Variants in UFSP2 observed in about 807,000 individuals in gnomAD.
UFSP2 encodes ufm1-specific protease 2.
UFSP2 carries 43 observed loss-of-function variants against 60.2 expected under a neutral mutation model. That is an observed-to-expected ratio of 0.71 (90% CI 0.56 to 0.92). The LOEUF is 0.92. Ranked by LOEUF, UFSP2 falls within the 40% of genes least tolerant of loss-of-function variation. The pLI, the probability that UFSP2 is intolerant of heterozygous loss-of-function variation, is 0.00. For missense variants in UFSP2, 520 were observed against 575.0 expected (o/e 0.90, Z 0.98); for synonymous variants, 183 against 195.1 (o/e 0.94, Z 0.52).
At chr4:185,417,128 A>G (rs2095540152) in intron 4 of UFSP2, among the ~76,000 whole-genome samples, 1 of 152,230 alleles carries the variant, frequency 6.6e-6, no homozygotes, top group Non-Finnish European at 1.5e-5. Flanking sequence ...CAACAGACTG[A>G]TAACTGTCTC....
intron 7 of UFSP2, among the ~76,000 whole-genome samples, chr4:185,413,349 T>C (rs936741672): frequency 7.2e-5 from 11 of 152,056 alleles, no homozygotes; most frequent in African/African-American, 2.2e-4. Flanking sequence ...GATCACACCA[T>C]TGCACTACAG....
At chr4:185,425,728 G>T (rs2095558734) in intron 1 of UFSP2, 138 bp downstream of exon 1, 1 of 1,329,888 alleles carries the variant, frequency 7.5e-7, no homozygotes, top group Non-Finnish European at 1.0e-6. Flanking sequence ...CTGGAGAGCC[G>T]CCCTGCCCAC....
At chr4:185,402,657 G>T (rs570845167) in intron 11 of UFSP2, among the ~76,000 whole-genome samples, 1 of 152,190 alleles carries the variant, frequency 6.6e-6, no homozygotes, top group Non-Finnish European at 1.5e-5. Context: ...TGCATTTTTA[G>T]TAGAGATGGG....
intron 1 of UFSP2, among the ~76,000 whole-genome samples, chr4:185,424,298 C>T (rs891283209): frequency 1.1e-4 from 16 of 152,080 alleles, no homozygotes; most frequent in Admixed American, 3.9e-4. Flanking sequence ...AGAGCAAGAT[C>T]TTGTCTCCAA....
At chr4:185,413,105 G>A (rs557325725) in intron 7 of UFSP2, among the ~76,000 whole-genome samples, 1 of 152,270 alleles carries the variant, frequency 6.6e-6, no homozygotes, top group African/African-American at 2.4e-5. Context: ...AGGAGTTCAC[G>A]ACCAGCCTGG....
At position 185,400,310 on chromosome 4, in the gene UFSP2, G is replaced by C; in HGVS notation, c.*82C>G. On this transcript the variant is annotated 3_prime_UTR_variant, in exon 12 of 12. Transcript: ENST00000264689. Reference sequence around the variant, plus strand: ...ATTTAAATCGTCAAACTAGAACCAGGATTTAATGTGAAAAATTAAACTGAT... The same window carrying C: ...ATTTAAATCGTCAAACTAGAACCAGCATTTAATGTGAAAAATTAAACTGAT... The C allele has an allele frequency of 8.8e-7, 1 of 1,139,626 alleles. No homozygotes were observed. The allele number at this position is 1,139,626 out of a possible 1,614,324, so 70.6% of individuals were successfully genotyped here. A position where few individuals can be genotyped will look rare whatever the true frequency, so the allele number is the denominator to read the frequency against.
chr4:185,415,264 G>T lies in UFSP2; in HGVS notation c.575C>A (p.Ser192Tyr), dbSNP rs749161129. The T allele has an allele frequency of 3.1e-6, 5 of 1,601,600 alleles. No individual in the cohort carries two copies. The African/African-American group carries it at 6.7e-5, about 22-fold the overall frequency. The change falls in exon 6 of 12, where the codon TCT (serine) becomes TAT (tyrosine). Residue 192 changes from serine (S) to tyrosine (Y), a missense_variant. By Grantham distance (144) the Ser-to-Tyr change is moderately radical. Transcript: ENST00000264689. ...GTGCAGTGGTTCAGGGACCACAATA[G>T]ATGTTCCTTTCATATATTTCAAAAT... ...KCILKYMKGT[S>Y]IVVPEPLHFL...
Position 185,403,531 on chromosome 4 carries a change from T to C in UFSP2, c.1286A>G (p.Tyr429Cys). The change falls in exon 11 of 12, where the codon TAT (tyrosine) becomes TGT (cysteine). Residue 429 changes from tyrosine (Y) to cysteine (C), a missense_variant. By Grantham distance (194) the Tyr-to-Cys change is radical. Transcript: ENST00000264689. ...QIKFLILDPH[Y>C]TGAEDLQVIL... ...AACTTGCAGGTCTTCAGCACCGGTA[T>C]AATGTGGATCTAGAATCAGAAACTT... 2.5e-6 allele frequency: 4 copies of C among 1,614,178 alleles called. No homozygotes were observed. The highest frequency in any genetic ancestry group is 3.4e-6 in the Non-Finnish European group (4 of 1,180,022).
intron 7 of UFSP2, among the ~76,000 whole-genome samples, chr4:185,412,066 T>C (rs1169116922): frequency 6.6e-6 from 1 of 151,228 alleles, no homozygotes; most frequent in Non-Finnish European, 1.5e-5. Context: ...CACAGACTGG[T>C]AAAGTTTTGC....
chr4:185,407,721 T>C (rs1261397393), intron 9 of UFSP2, among the ~76,000 whole-genome samples: 1 of 151,276 alleles, frequency 6.6e-6, no homozygotes, highest in African/African-American at 2.4e-5. Context: ...AAGTATACAT[T>C]ACATCACAAA....
Position 185,403,514 on chromosome 4 carries a change from G to T in UFSP2, c.1303C>A (p.Leu435Met). 2 of 1,613,206 alleles carry T rather than the reference G, an allele frequency of 1.2e-6. No individual in the cohort carries two copies. Among genetic ancestry groups the T allele is most frequent in the Non-Finnish European group, 1.7e-6 (2 of 1,179,794 alleles). The change falls in exon 11 of 12, where the codon CTG becomes ATG. Residue 435 changes from leucine (L) to methionine (M), a missense_variant. Leu to Met is a conservative substitution (Grantham distance 15, BLOSUM62 2). Transcript: ENST00000264689. ...CTTACCTTTTCCAAAATAACTTGCA[G>T]GTCTTCAGCACCGGTATAATGTGGA... ...LDPHYTGAED[L>M]QVILEKGWCG...
intron 9 of UFSP2, among the ~76,000 whole-genome samples, chr4:185,407,659 A>G (rs977131983): frequency 6.6e-6 from 1 of 152,142 alleles, no homozygotes; most frequent in Non-Finnish European, 1.5e-5. Flanking sequence ...ACTCAACGTT[A>G]ATATATTTTT....
intron 1 of UFSP2, 88 bp from the exon 2 acceptor site, chr4:185,422,651 G>C (rs2095551499): frequency 2.3e-6 from 2 of 853,560 alleles, no homozygotes; most frequent in East Asian, 5.6e-5. Flanking sequence ...TTAGTGTTAA[G>C]ACATTAATTA....
intron 2 of UFSP2, among the ~76,000 whole-genome samples, chr4:185,421,787 C>A (rs1012489237): frequency 6.6e-6 from 1 of 152,212 alleles, no homozygotes; most frequent in Non-Finnish European, 1.5e-5. Context: ...CACCACTACT[C>A]GTACTTTTCA....
In UFSP2 at chr4:185,400,385, A is replaced by C. The variant is rs370248604; in HGVS notation, c.*7T>G. 6.2e-7 allele frequency: 1 copy of C among 1,606,598 alleles called. No individual in the cohort carries two copies. Among genetic ancestry groups the C allele is most frequent in the Admixed American group, 1.7e-5 (1 of 59,402 alleles). On this transcript the variant is annotated 3_prime_UTR_variant, in exon 12 of 12. Transcript: ENST00000264689. ...CACTCTACTGCAGTCTTTGACTCCA[A>C]GATATTTTAAATCATATTTGGTCGC...
At chr4:185,405,002 C>CTTT (rs70962563) in intron 10 of UFSP2, among the ~76,000 whole-genome samples, 18 of 138,188 alleles carry the variant, frequency 1.3e-4, no homozygotes, top group Non-Finnish European at 1.7e-4. Flanking sequence ...ACCTCCATTT[C>CTTT]TTTTTTTTTT....
intron 7 of UFSP2, among the ~76,000 whole-genome samples, chr4:185,413,319 C>T (rs1019705315): frequency 3.9e-5 from 6 of 152,046 alleles, no homozygotes; most frequent in African/African-American, 7.2e-5. Context: ...ACCCAGGAGG[C>T]GGAGGTTGCA....
At chr4:185,419,719 T>G (rs1039478018) in intron 2 of UFSP2, among the ~76,000 whole-genome samples, 4 of 152,246 alleles carry the variant, frequency 2.6e-5, no homozygotes, top group Non-Finnish European at 5.9e-5. Flanking sequence ...TAGCTTAATG[T>G]TTCTTCTGTA....
rs756648947 is a variant in UFSP2, at chr4:185,422,496, G to T, written c.71C>A (p.Ala24Asp). The change falls in exon 2 of 12, where the codon GCT (alanine) becomes GAT (aspartate). Residue 24 changes from alanine (A) to aspartate (D), a missense_variant. Ala to Asp is a moderately radical substitution (Grantham distance 126). Transcript: ENST00000264689. The stretch of plus-strand genomic sequence containing the variant: ...TTCAGAAGACCTACCATTAGGAGTA[G>T]CTAGCTGAAAAGCCAAATCAAGGCC... Reference protein sequence around the residue: ...RGGLDLAFQLATPNEIFLKKA... With the variant: ...RGGLDLAFQLDTPNEIFLKKA... 11 of 1,610,998 alleles carry T rather than the reference G, an allele frequency of 6.8e-6. No homozygotes were observed. The Admixed American group carries it at 1.4e-4, about 20-fold the overall frequency.
Sources: gnomAD v4.1 joint callset for allele counts (sites outside exome capture counted in the v4.1 genomes callset) on GRCh38, gnomAD v4.1.1 for gene constraint, MANE v1.5 for transcripts, NCBI Gene and HGNC (gene_info 2026-07-23, HGNC 2026-07-21) for gene names.